Variants in NWD2 observed in about 807,000 individuals in gnomAD.
NWD2 encodes NACHT and WD repeat domain containing 2.
In NWD2, 37 loss-of-function variants were observed where a neutral mutation model predicts 132.7. The observed-to-expected ratio is 0.28, with a 90% CI of 0.21 to 0.37. The LOEUF (loss-of-function observed/expected upper bound fraction) is 0.37, where lower values mean the gene tolerates loss of function less well. Ranked by LOEUF, NWD2 falls within the 10% of genes least tolerant of loss-of-function variation. The pLI, the probability that NWD2 is intolerant of heterozygous loss-of-function variation, is 1.00. For missense variants in NWD2, 1,592 were observed against 2,122.4 expected, an observed-to-expected ratio of 0.75 and a Z score of 4.91; for synonymous variants, 705 against 803.0, an observed-to-expected ratio of 0.88 and a Z score of 2.06.
chr4:37,299,491 C>G (rs775398533), intron 1 of NWD2, among the ~76,000 whole-genome samples: 8 of 152,092 alleles, frequency 5.3e-5, no homozygotes, highest in Non-Finnish European at 8.8e-5. Context: ...CAAAATCAGT[C>G]TTGTATCTAG....
intron 5 of NWD2, among the ~76,000 whole-genome samples, chr4:37,434,690 G>A (rs1337513207): frequency 6.6e-6 from 1 of 152,006 alleles, no homozygotes; most frequent in Non-Finnish European, 1.5e-5. Flanking sequence ...AGAATTCCCA[G>A]CAGAGGGAGC....
At position 37,362,904 on chromosome 4, in the gene NWD2, AC is replaced by A. The variant is rs201065372; in HGVS notation, c.357+6423del. The stretch of plus-strand genomic sequence containing the variant: ...ACAGAATGGGAGAAAATGTTCAAAA[AC>A]TATGCATCTGACCAATGTCTAATAT... On this transcript the variant is annotated intron_variant, in intron 3 of 6. Coordinates refer to ENST00000309447, the MANE Select transcript of NWD2 (RefSeq NM_001144990.2). 8.3e-3 allele frequency among the ~76,000 whole-genome samples: 1,258 copies of A among 152,324 alleles called. 23 individuals carry two copies. The highest frequency in any genetic ancestry group is 0.029 in the African/African-American group (1,203 of 41,566).
intron 1 of NWD2, among the ~76,000 whole-genome samples, chr4:37,325,411 G>A (rs1208044618): frequency 1.3e-5 from 2 of 152,082 alleles, no homozygotes; most frequent in Non-Finnish European, 2.9e-5. Context: ...TGCTATGATA[G>A]GTTTTCATGC....
At chr4:37,270,980 G>A (rs1321267864) in intron 1 of NWD2, among the ~76,000 whole-genome samples, 1 of 151,746 alleles carries the variant, frequency 6.6e-6, no homozygotes, top group East Asian at 1.9e-4. Context: ...TTGTCCTTGT[G>A]CCATCTGTTA....
chr4:37,268,529 G>T (rs1472751907), intron 1 of NWD2, among the ~76,000 whole-genome samples: 1 of 151,842 alleles, frequency 6.6e-6, no homozygotes, highest in African/African-American at 2.4e-5. Context: ...ACAGTGCCTT[G>T]CCAGGAAGCA....
intron 1 of NWD2, among the ~76,000 whole-genome samples, chr4:37,278,049 T>C (rs2109266794): frequency 6.6e-6 from 1 of 152,264 alleles, no homozygotes; most frequent in Non-Finnish European, 1.5e-5. Flanking sequence ...TATGTCTGTG[T>C]AGTTTGGTGG....
chr4:37,405,065 G>A (rs1244576202), intron 3 of NWD2, among the ~76,000 whole-genome samples: 18 of 152,070 alleles, frequency 1.2e-4, no homozygotes, highest in Non-Finnish European at 1.5e-5. Flanking sequence ...TCTATTTATC[G>A]TACCTTCCTC....
intron 1 of NWD2, among the ~76,000 whole-genome samples, chr4:37,275,796 G>T (rs137992600): frequency 3.9e-5 from 6 of 151,994 alleles, no homozygotes; most frequent in African/African-American, 1.4e-4. Flanking sequence ...GTAAGGCCAC[G>T]TATCTACAAC....
At chr4:37,311,247 C>T (rs36185839) in intron 1 of NWD2, among the ~76,000 whole-genome samples, 46,786 of 152,032 alleles carry the variant, frequency 0.31, 7,574 homozygotes, top group Non-Finnish European at 0.35. Flanking sequence ...TACAGTCCCA[C>T]CAACAGTGTA....
At chr4:37,261,223 A>G (rs1262970342) in intron 1 of NWD2, among the ~76,000 whole-genome samples, 1 of 152,164 alleles carries the variant, frequency 6.6e-6, no homozygotes, top group Non-Finnish European at 1.5e-5. Flanking sequence ...CACATCAGGC[A>G]TGGCTCAACC....
chr4:37,421,469 G>T (rs1711805291), intron 3 of NWD2, among the ~76,000 whole-genome samples: 1 of 152,182 alleles, frequency 6.6e-6, no homozygotes. Context: ...AAAGCATCTT[G>T]CAATAAGTAA....
At chr4:37,273,682 TA>T (rs1717924139) in intron 1 of NWD2, among the ~76,000 whole-genome samples, 1 of 152,110 alleles carries the variant, frequency 6.6e-6, no homozygotes, top group African/African-American at 2.4e-5. Flanking sequence ...TAGTTGGAAG[TA>T]AAGCACTCCT....
intron 2 of NWD2, among the ~76,000 whole-genome samples, chr4:37,342,915 C>T (rs1048357615): frequency 1.5e-4 from 23 of 152,110 alleles, no homozygotes; most frequent in African/African-American, 5.3e-4. Flanking sequence ...TAACTGAGGA[C>T]CTGTTTGTTG....
intron 3 of NWD2, among the ~76,000 whole-genome samples, chr4:37,423,871 G>T (rs1711900725): frequency 6.6e-6 from 1 of 152,122 alleles, no homozygotes; most frequent in Non-Finnish European, 1.5e-5. Context: ...TTGAGTAATT[G>T]ACTTGTAATT....
intron 5 of NWD2, among the ~76,000 whole-genome samples, chr4:37,434,955 G>C (rs181841667): frequency 6.6e-6 from 1 of 152,072 alleles, no homozygotes; most frequent in Admixed American, 6.5e-5. Flanking sequence ...AACCTCTCCA[G>C]CTATTTGGTA....
At chr4:37,365,422 T>C (rs1258684311) in intron 3 of NWD2, among the ~76,000 whole-genome samples, 2 of 152,200 alleles carry the variant, frequency 1.3e-5, no homozygotes, top group Non-Finnish European at 2.9e-5. Context: ...AGTCATTGAT[T>C]TGAACTGGAA....
chr4:37,392,556 A>G (rs991984386), intron 3 of NWD2, among the ~76,000 whole-genome samples: 2 of 152,130 alleles, frequency 1.3e-5, no homozygotes, highest in African/African-American at 4.8e-5. Context: ...GGGGAGCAAA[A>G]TTCTCCTCCA....
chr4:37,330,773 CTACT>C (rs1230913139), intron 2 of NWD2, among the ~76,000 whole-genome samples: 2 of 152,058 alleles, frequency 1.3e-5, no homozygotes, highest in Non-Finnish European at 2.9e-5. Flanking sequence ...CACCATCACC[CTACT>C]TGAGTATTTC....
In NWD2 at chr4:37,331,532, A is replaced by G. The variant is rs570091430; in HGVS notation, c.240+5508A>G. ...CACCCTACTTGAGTATTTCTATACAATACCACCAGAATCATCACCCTACTT... is the reference window on the plus strand; with the variant it reads ...CACCCTACTTGAGTATTTCTATACAGTACCACCAGAATCATCACCCTACTT... On this transcript the variant is annotated intron_variant, in intron 2 of 6. Coordinates refer to ENST00000309447, the MANE Select transcript of NWD2 (RefSeq NM_001144990.2). Among the ~76,000 whole-genome samples the G allele has an allele frequency of 3.4e-3, 519 of 150,616 alleles. 3 individuals are homozygous for G. The highest frequency in any genetic ancestry group is 0.012 in the African/African-American group (485 of 40,942).
Sources: allele counts gnomAD v4.1 joint callset (sites outside exome capture counted in the v4.1 genomes callset), GRCh38; gene constraint gnomAD v4.1.1; transcripts MANE v1.5; gene names NCBI Gene and HGNC (gene_info 2026-07-23, HGNC 2026-07-21).